Variants in ITGA9 observed in about 807,000 individuals in gnomAD.
The protein encoded by ITGA9 is integrin alpha-9.
Under a neutral mutation model 127.8 loss-of-function variants are expected in ITGA9, and 56 were observed. The observed-to-expected ratio is 0.44, with a 90% CI of 0.35 to 0.55. The LOEUF (loss-of-function observed/expected upper bound fraction) is 0.55. Ranked by LOEUF, ITGA9 falls within the 20% of genes least tolerant of loss-of-function variation. ITGA9 has a pLI of 0.00. For missense variants in ITGA9, 1,196 were observed against 1,347.1 expected (o/e 0.89, Z 1.76); for synonymous variants, 508 against 514.5 (o/e 0.99, Z 0.17).
At chr3:37,619,652 A>G (rs1478566744) in intron 15 of ITGA9, among the ~76,000 whole-genome samples, 4 of 152,162 alleles carry the variant, frequency 2.6e-5, no homozygotes, top group Non-Finnish European at 4.4e-5. Flanking sequence ...TAAAGTTACT[A>G]TCTCACAGTT....
At chr3:37,530,909 A>G (rs560735013) in intron 13 of ITGA9, among the ~76,000 whole-genome samples, 2 of 151,188 alleles carry the variant, frequency 1.3e-5, no homozygotes, top group Non-Finnish European at 3.0e-5. Context: ...CCGCCACCAC[A>G]CCCAGCTAAT....
intron 18 of ITGA9, among the ~76,000 whole-genome samples, chr3:37,719,375 C>G (rs1451099846): frequency 6.6e-6 from 1 of 152,150 alleles, no homozygotes; most frequent in East Asian, 1.9e-4. Context: ...TGGAGATACA[C>G]TCTGAAGGTG....
At chr3:37,684,845 T>C (rs1422979885) in intron 18 of ITGA9, among the ~76,000 whole-genome samples, 1 of 152,168 alleles carries the variant, frequency 6.6e-6, no homozygotes, top group Non-Finnish European at 1.5e-5. Context: ...AGTAAATTAA[T>C]TTGAATGAAG....
At chr3:37,614,875 T>A (rs897461382) in intron 15 of ITGA9, among the ~76,000 whole-genome samples, 1 of 152,222 alleles carries the variant, frequency 6.6e-6, no homozygotes, top group African/African-American at 2.4e-5. Context: ...GCTGAGATGA[T>A]GGAGTTTTCT....
At chr3:37,486,368 T>C (rs913911187) in intron 4 of ITGA9, among the ~76,000 whole-genome samples, 1 of 152,238 alleles carries the variant, frequency 6.6e-6, no homozygotes, top group African/African-American at 2.4e-5. Context: ...TATATGCTCC[T>C]ACTTTCTGAC....
chr3:37,462,625 C>T (rs967103329), intron 1 of ITGA9, among the ~76,000 whole-genome samples: 1 of 152,152 alleles, frequency 6.6e-6, no homozygotes, highest in Non-Finnish European at 1.5e-5. Flanking sequence ...CCATGCTACC[C>T]TCCCTACCTC....
At chr3:37,682,624 C>T (rs1366076353) in intron 17 of ITGA9, among the ~76,000 whole-genome samples, 4 of 152,214 alleles carry the variant, frequency 2.6e-5, no homozygotes, top group East Asian at 1.9e-4. Flanking sequence ...CATGCATCCA[C>T]CTGCCTCAAA....
At chr3:37,685,824 G>A (rs1700777290) in intron 18 of ITGA9, among the ~76,000 whole-genome samples, 1 of 152,094 alleles carries the variant, frequency 6.6e-6, no homozygotes, top group Admixed American at 6.5e-5. Context: ...CTGCTAGAAA[G>A]CTCAGAGCTG....
At chr3:37,708,674 C>CTCACAACAAGGA (rs1701039258) in intron 18 of ITGA9, among the ~76,000 whole-genome samples, 2 of 152,200 alleles carry the variant, frequency 1.3e-5, no homozygotes, top group Non-Finnish European at 2.9e-5. Context: ...GACAGCTCCC[C>CTCACAACAAGGA]ATACAACAAA....
chr3:37,778,872 G>GT (rs10583231), intron 24 of ITGA9, among the ~76,000 whole-genome samples: 58 of 106,200 alleles, frequency 5.5e-4, no homozygotes, highest in East Asian at 1.4e-3. Flanking sequence ...GAAAGGTTGG[G>GT]TTTTTTTTTT....
intron 7 of ITGA9, among the ~76,000 whole-genome samples, chr3:37,508,085 G>A (rs898296827): frequency 6.6e-6 from 1 of 152,120 alleles, no homozygotes. Context: ...CTAATATTAC[G>A]TGAAATCACT....
chr3:37,650,955 G>A (rs1700423801), intron 16 of ITGA9, among the ~76,000 whole-genome samples: 1 of 152,136 alleles, frequency 6.6e-6, no homozygotes, highest in South Asian at 2.1e-4. Context: ...ACTGAGTCCT[G>A]GAGGGAAGAA....
intron 18 of ITGA9, among the ~76,000 whole-genome samples, chr3:37,695,995 T>A (rs972256817): frequency 6.6e-6 from 1 of 152,180 alleles, no homozygotes; most frequent in African/African-American, 2.4e-5. Flanking sequence ...CTTTTTGGTT[T>A]CCGCTTCCAA....
intron 16 of ITGA9, among the ~76,000 whole-genome samples, chr3:37,649,924 TGTTTGTGAATTC>T (rs1575180331): frequency 6.6e-6 from 1 of 152,152 alleles, no homozygotes; most frequent in Non-Finnish European, 1.5e-5. Flanking sequence ...ATGGGAAAAT[TGTTTGTGAATTC>T]ATTTGTGAAT....
At chr3:37,599,838 C>G (rs748711462) in intron 15 of ITGA9, among the ~76,000 whole-genome samples, 10 of 152,146 alleles carry the variant, frequency 6.6e-5, no homozygotes, top group African/African-American at 2.2e-4. Flanking sequence ...TTCTCATAAA[C>G]TGATTGTGCA....
intron 26 of ITGA9, among the ~76,000 whole-genome samples, chr3:37,800,513 A>T (rs1461146169): frequency 1.3e-5 from 2 of 152,176 alleles, no homozygotes; most frequent in South Asian, 4.1e-4. Flanking sequence ...GAGATTCCAA[A>T]TGCAGGAAGT....
chr3:37,640,163 G>A (rs1700318693), intron 16 of ITGA9, among the ~76,000 whole-genome samples: 1 of 152,172 alleles, frequency 6.6e-6, no homozygotes, highest in East Asian at 1.9e-4. Context: ...CATGGCAAAA[G>A]GGACTTTGCA....
At chr3:37,587,939 T>G (rs1204162249) in intron 15 of ITGA9, among the ~76,000 whole-genome samples, 1 of 152,192 alleles carries the variant, frequency 6.6e-6, no homozygotes, top group African/African-American at 2.4e-5. Flanking sequence ...CAGAGTGGCA[T>G]GCAGTGGCAG....
At chr3:37,473,625 A>G (rs1698460763) in intron 3 of ITGA9, among the ~76,000 whole-genome samples, 165 bp downstream of exon 3, 1 of 152,232 alleles carries the variant, frequency 6.6e-6, no homozygotes, top group Admixed American at 6.5e-5. Context: ...TTATCTGTCA[A>G]ATGTGAATAA....
Sources: gnomAD v4.1 joint callset for allele counts (sites outside exome capture counted in the v4.1 genomes callset) on GRCh38, gnomAD v4.1.1 for gene constraint, MANE v1.5 for transcripts, NCBI Gene and HGNC (gene_info 2026-07-23, HGNC 2026-07-21) for gene names.